The following RAD54L2 variants were observed in gnomAD, a reference collection of about 807,000 sequenced individuals.
RAD54L2 encodes the protein RAD54 like 2, also known as helicase ARIP4.
A neutral mutation model predicts 138.4 loss-of-function variants in RAD54L2; 27 were observed. The ratio of observed to expected loss-of-function variants is 0.20; its 90% CI spans 0.14 to 0.27. RAD54L2 has a LOEUF of 0.27. Among genes scored for constraint, RAD54L2 ranks in the 10% least tolerant of loss-of-function variants. The probability of loss-of-function intolerance (pLI) is 1.00; values close to 1 mark genes in which losing one functional copy is unlikely to be tolerated. For missense variants in RAD54L2, 1,396 were observed against 1,890.2 expected, an observed-to-expected ratio of 0.74 and a Z score of 4.85; for synonymous variants, 644 against 723.2, an observed-to-expected ratio of 0.89 and a Z score of 1.76.
chr3:51,607,873 C>T (rs1285030147), intron 3 of RAD54L2, among the ~76,000 whole-genome samples: 1 of 142,174 alleles, frequency 7.0e-6, no homozygotes, highest in Non-Finnish European at 1.5e-5. Context: ...GATGGGGCGG[C>T]GGCCGGGCGG....
rs573141966 is a variant in RAD54L2, at chr3:51,619,579, C to A, written c.140-7974C>A. Among the ~76,000 whole-genome samples the A allele has an allele frequency of 4.6e-5, 7 of 150,838 alleles. No homozygotes were observed. The East Asian group carries it at 7.8e-4, about 17-fold the overall frequency. On this transcript the variant is annotated intron_variant, in intron 3 of 22. Coordinates refer to ENST00000684192, the MANE Select transcript of RAD54L2 (RefSeq NM_015106.4). ...TGACCTGTAGGCTTTTACTACCGGTCTCCTCATGGCCTTTCCAGTTTTCCA... is the reference window on the plus strand; with the variant it reads ...TGACCTGTAGGCTTTTACTACCGGTATCCTCATGGCCTTTCCAGTTTTCCA...
intron 8 of RAD54L2, 25 bp downstream of exon 8, chr3:51,633,784 C>T: frequency 6.2e-7 from 1 of 1,613,108 alleles, no homozygotes; most frequent in Non-Finnish European, 8.5e-7. Flanking sequence ...GAAGGCACCA[C>T]TTAAGTCACT....
chr3:51,621,151 A>G (rs1052415133), intron 3 of RAD54L2, among the ~76,000 whole-genome samples: 7 of 152,242 alleles, frequency 4.6e-5, no homozygotes, highest in South Asian at 4.1e-4. Context: ...TGTAAAAACC[A>G]TAATCATCAT....
rs187533421 is a variant in RAD54L2 at position 51,661,181 on chromosome 3, C to T, written c.3409+1063C>T. Among the ~76,000 whole-genome samples, 410 of 152,216 alleles carry T rather than the reference C, an allele frequency of 2.7e-3. 3 individuals are homozygous for T. The highest frequency in any genetic ancestry group is 9.2e-3 in the African/African-American group (380 of 41,518). ...TTCACCATGTTGCCTAGGCTGGTCT[C>T]GAACTCCTGACCTCAAGTGATCCAC... On this transcript the variant is annotated intron_variant, in intron 22 of 22. Transcript: ENST00000684192.
rs1701858843 is a variant in RAD54L2 at position 51,664,016 on chromosome 3, G to A, written c.*596G>A. 6.6e-6 allele frequency: 1 copy of A among 152,168 alleles called. No individual in the cohort carries two copies. Among genetic ancestry groups the A allele is most frequent in the South Asian group, 2.1e-4 (1 of 4,816 alleles). The allele number at this position is 152,168 out of a possible 1,614,324, so 9.4% of individuals were successfully genotyped here. ...AACAGAGCAGGGGTGAAGGTGGGAG[G>A]GGAGGGAGGGAAGAACTAAGAGGGA... On this transcript the variant is annotated 3_prime_UTR_variant, in exon 23 of 23. Transcript: ENST00000684192.
chr3:51,561,707 G>T (rs1283686652), intron 2 of RAD54L2, among the ~76,000 whole-genome samples: 3 of 151,844 alleles, frequency 2.0e-5, no homozygotes, highest in Non-Finnish European at 2.9e-5. Flanking sequence ...GACCACAGGA[G>T]CATGCCACCA....
intron 3 of RAD54L2, among the ~76,000 whole-genome samples, chr3:51,607,938 T>A (rs13434211): frequency 3.8e-5 from 5 of 130,242 alleles, no homozygotes; most frequent in African/African-American, 1.4e-4. Flanking sequence ...GCTGCCCCCC[T>A]CCTCCCGGAC....
chr3:51,542,709 C>T (rs536847302), intron 2 of RAD54L2, among the ~76,000 whole-genome samples: 9 of 152,254 alleles, frequency 5.9e-5, no homozygotes, highest in East Asian at 1.9e-4. Flanking sequence ...GTGATCCGCC[C>T]GTCTTGGCCT....
At position 51,634,031 on chromosome 3, in the gene RAD54L2, C is replaced by A; in HGVS notation, c.1138C>A (p.His380Asn). ...FFKVHILNDE[H>N]KTMASRAKVM... Reference sequence around the variant, plus strand: ...TAAAGTTCACATCTTGAATGATGAGCACAAGTAGGTGGCCTGCCCTTTCCT... The same window carrying A: ...TAAAGTTCACATCTTGAATGATGAGAACAAGTAGGTGGCCTGCCCTTTCCT... The change falls in exon 9 of 23, where the codon CAC (histidine) becomes AAC (asparagine). Residue 380 changes from histidine to asparagine, a missense_variant. Transcript: ENST00000684192. The A allele has an allele frequency of 6.2e-7, 1 of 1,613,130 alleles. No individual in the cohort carries two copies. Among genetic ancestry groups the A allele is most frequent in the Non-Finnish European group, 8.5e-7 (1 of 1,179,800 alleles).
intron 2 of RAD54L2, among the ~76,000 whole-genome samples, chr3:51,562,744 C>T (rs1699127388): frequency 6.6e-6 from 1 of 152,054 alleles, no homozygotes; most frequent in African/African-American, 2.4e-5. Context: ...AAAGTCTGTG[C>T]TCAGCGATCC....
chr3:51,599,195 C>G (rs1700030772), intron 3 of RAD54L2, among the ~76,000 whole-genome samples: 1 of 152,144 alleles, frequency 6.6e-6, no homozygotes, highest in African/African-American at 2.4e-5. Flanking sequence ...CACTAGAAGT[C>G]TTCTGTGGTG....
At chr3:51,611,711 A>C (rs1249597347) in intron 3 of RAD54L2, 3 of 152,148 alleles carry the variant, frequency 2.0e-5, no homozygotes, top group South Asian at 4.1e-4. Context: ...GGTGCCAGCC[A>C]CCACGCCCGG....
intron 3 of RAD54L2, among the ~76,000 whole-genome samples, chr3:51,610,653 A>C (rs1404014038): frequency 1.3e-5 from 2 of 152,056 alleles, no homozygotes; most frequent in African/African-American, 2.4e-5. Context: ...AAAAAAAAAA[A>C]AAAACAGAAA....
chr3:51,631,863 A>T (rs1294477521), intron 7 of RAD54L2, among the ~76,000 whole-genome samples: 6 of 152,084 alleles, frequency 3.9e-5, no homozygotes. Flanking sequence ...TGAAGTCCTG[A>T]GCTCAAGCAG....
chr3:51,656,479 A>T (rs1577468074), intron 20 of RAD54L2, among the ~76,000 whole-genome samples: 1 of 152,184 alleles, frequency 6.6e-6, no homozygotes, highest in African/African-American at 2.4e-5. Context: ...AGGTGTGAAT[A>T]TGCTGAGCCC....
intron 19 of RAD54L2, 85 bp from the exon 20 acceptor site, chr3:51,655,886 G>A: frequency 8.3e-7 from 1 of 1,203,044 alleles, no homozygotes; most frequent in South Asian, 1.5e-5. Flanking sequence ...GTAGAATGGG[G>A]CAGCCTAGAA....
intron 2 of RAD54L2, among the ~76,000 whole-genome samples, chr3:51,574,177 A>G (rs1032442315): frequency 1.3e-5 from 2 of 152,046 alleles, no homozygotes; most frequent in African/African-American, 4.8e-5. Flanking sequence ...ACATGAACTC[A>G]TCTTTTTTTA....
intron 3 of RAD54L2, among the ~76,000 whole-genome samples, chr3:51,601,385 G>A (rs1700076681): frequency 6.7e-6 from 1 of 149,468 alleles, no homozygotes; most frequent in African/African-American, 2.5e-5. Flanking sequence ...TTGGCTCACT[G>A]CAACCTCTGC....
chr3:51,632,892 C>CA lies in RAD54L2; in HGVS notation c.826-671dup, dbSNP rs112019447. 4.9e-3 allele frequency among the ~76,000 whole-genome samples: 504 copies of CA among 102,058 alleles called. 1 individual carries two copies. Among genetic ancestry groups the CA allele is most frequent in the East Asian group, 0.015 (54 of 3,642 alleles). The allele number at this position is 102,058 out of a possible 152,430, so 67.0% of individuals were successfully genotyped here. Reference sequence around the variant, plus strand: ...TGGGTGACGGAGCAAGACTCCGTCTCAAAAAAAAAAAAAAGAACTCTTAGC... The same window carrying CA: ...TGGGTGACGGAGCAAGACTCCGTCTCAAAAAAAAAAAAAAAGAACTCTTAGC... On this transcript the variant is annotated intron_variant, in intron 7 of 22. Coordinates refer to ENST00000684192, the MANE Select transcript of RAD54L2 (RefSeq NM_015106.4).
Sources: allele counts gnomAD v4.1 joint callset (sites outside exome capture counted in the v4.1 genomes callset), GRCh38; gene constraint gnomAD v4.1.1; transcripts MANE v1.5; gene names NCBI Gene and HGNC (gene_info 2026-07-23, HGNC 2026-07-21).